The following GTF2I variants were observed in gnomAD, a reference collection of about 807,000 sequenced individuals.
The protein encoded by GTF2I is general transcription factor II-I.
Under a neutral mutation model 67.6 loss-of-function variants are expected in GTF2I, and 12 were observed. That is an observed-to-expected ratio of 0.18 (90% CI 0.11 to 0.29). GTF2I has a LOEUF of 0.29. Ranked by LOEUF, GTF2I falls within the 10% of genes least tolerant of loss-of-function variation. GTF2I has a pLI of 1.00. For missense variants in GTF2I, 271 were observed against 580.1 expected, an observed-to-expected ratio of 0.47 and a Z score of 5.47; for synonymous variants, 149 against 197.0, an observed-to-expected ratio of 0.76 and a Z score of 2.04.
At chr7:74,726,813 G>A (rs753038374) in intron 12 of GTF2I, 3 of 151,428 alleles carry the variant, frequency 2.0e-5, no homozygotes, top group Non-Finnish European at 4.4e-5. Context: ...CAGCCTGGGC[G>A]ATAGAATGAG....
intron 1 of GTF2I, among the ~76,000 whole-genome samples, chr7:74,658,545 G>T (rs1804149677): frequency 6.7e-6 from 1 of 150,170 alleles, no homozygotes; most frequent in African/African-American, 2.4e-5. Context: ...GAGCCGTCGT[G>T]GGGTCGCGCT....
chr7:74,666,697 G>A (rs1230542801), intron 1 of GTF2I, among the ~76,000 whole-genome samples: 3 of 151,864 alleles, frequency 2.0e-5, no homozygotes, highest in South Asian at 2.1e-4. Context: ...GCCGGGCACG[G>A]TGGCTCACAC....
chr7:74,678,031 T>C (rs2131244547), intron 1 of GTF2I, among the ~76,000 whole-genome samples: 1 of 152,004 alleles, frequency 6.6e-6, no homozygotes, highest in Non-Finnish European at 1.5e-5. Context: ...ATTTCTCTGG[T>C]AAAAGTATTA....
chr7:74,699,041 G>A lies in GTF2I; in HGVS notation c.319G>A (p.Val107Ile). ...GGCAAATCGGATGAGTGTAGATGCT[G>A]TAGAAATTGAAACACTCAGAAAAAC... ...TQANRMSVDA[V>I]EIETLRKTVE... is the part of the protein sequence containing the mutation. The change falls in exon 4 of 35, where the codon GTA (valine) becomes ATA (isoleucine). Residue 107 changes from valine to isoleucine, a missense_variant. Val to Ile is a conservative substitution (Grantham distance 29). Transcript: ENST00000573035. The A allele has an allele frequency of 6.4e-7, 1 of 1,555,948 alleles. No homozygotes were observed.
At position 74,658,046 on chromosome 7, in the gene GTF2I, T is replaced by C; in HGVS notation, c.-28T>C. The C allele has an allele frequency of 6.6e-6, 1 of 151,420 alleles. No individual in the cohort carries two copies. Among genetic ancestry groups the C allele is most frequent in the Non-Finnish European group, 1.5e-5 (1 of 67,758 alleles). The allele number at this position is 151,420 out of a possible 1,614,324, so 9.4% of individuals were successfully genotyped here. ...CCCTCGGCACCCCCGGCCCCGGAGCTGCCTGGAGGCGGCCGCACTCGGGTG... is the reference window on the plus strand; with the variant it reads ...CCCTCGGCACCCCCGGCCCCGGAGCCGCCTGGAGGCGGCCGCACTCGGGTG... On this transcript the variant is annotated 5_prime_UTR_variant, in exon 1 of 35. Transcript: ENST00000573035.
intron 3 of GTF2I, among the ~76,000 whole-genome samples, chr7:74,696,023 G>A (rs1360265851): frequency 4.7e-5 from 7 of 148,332 alleles, no homozygotes; most frequent in African/African-American, 1.0e-4. Context: ...AAGGAGTCTC[G>A]CCCTGTCACC....
Position 74,705,180 on chromosome 7 carries a change from A to T in GTF2I, c.603A>T (p.Val201=). 1 of 1,605,882 alleles carries T rather than the reference A, an allele frequency of 6.2e-7. No individual in the cohort carries two copies. The highest frequency in any genetic ancestry group is 8.5e-7 in the Non-Finnish European group (1 of 1,173,406). Residue 201 remains valine, a synonymous_variant, in exon 7 of 35, where the codon GTA becomes GTT. Coordinates refer to ENST00000573035, the MANE Select transcript of GTF2I (RefSeq NM_032999.4). ...TGTATGTAGGTGGTCGTGTGATGGT[A>T]ACAGATGCTGACAGGTCAATACTAT... is the stretch of plus-strand genomic sequence containing the variant. ...PKKHVGGRVM[V]TDADRSILSP...
intron 1 of GTF2I, among the ~76,000 whole-genome samples, chr7:74,681,093 C>T (rs895756048): frequency 2.0e-5 from 3 of 151,996 alleles, no homozygotes; most frequent in Non-Finnish European, 2.9e-5. Context: ...ATCAGGGAAA[C>T]GAAAGGTGAA....
intron 1 of GTF2I, among the ~76,000 whole-genome samples, chr7:74,676,143 G>A (rs868991037): frequency 6.6e-6 from 1 of 152,168 alleles, no homozygotes; most frequent in South Asian, 2.1e-4. Context: ...TGTCTTTTAA[G>A]TTATCAGCTG....
chr7:74,706,198 G>A (rs782118131), intron 7 of GTF2I, among the ~76,000 whole-genome samples, 192 bp from the exon 8 acceptor site: 1 of 152,234 alleles, frequency 6.6e-6, no homozygotes, highest in Non-Finnish European at 1.5e-5. Flanking sequence ...GATTACAGGC[G>A]TGAGCCACTG....
At chr7:74,719,083 G>C (rs1045235746) in intron 12 of GTF2I, 142 bp downstream of exon 12, 24 of 514,578 alleles carry the variant, frequency 4.7e-5, no homozygotes, top group Admixed American at 7.9e-5. Flanking sequence ...GGCCAAAGCA[G>C]CCCACTCCCC....
intron 3 of GTF2I, among the ~76,000 whole-genome samples, chr7:74,692,625 C>G (rs1217389987): frequency 6.6e-6 from 1 of 152,122 alleles, no homozygotes; most frequent in Non-Finnish European, 1.5e-5. Context: ...ATTTTCATAT[C>G]TGTGTTTAAC....
At chr7:74,671,478 T>C (rs1554390661) in intron 1 of GTF2I, among the ~76,000 whole-genome samples, 1 of 151,974 alleles carries the variant, frequency 6.6e-6, no homozygotes, top group African/African-American at 2.4e-5. Context: ...GTGTCTTGTT[T>C]TTTTTTTTTC....
intron 1 of GTF2I, among the ~76,000 whole-genome samples, chr7:74,684,216 G>A (rs1166815659): frequency 6.6e-6 from 1 of 152,170 alleles, no homozygotes; most frequent in Non-Finnish European, 1.5e-5. Flanking sequence ...GGCCAATAAA[G>A]CATGACATAT....
At chr7:74,683,577 G>C (rs1263187598) in intron 1 of GTF2I, among the ~76,000 whole-genome samples, 4 of 152,208 alleles carry the variant, frequency 2.6e-5, no homozygotes, top group Non-Finnish European at 5.9e-5. Context: ...ATTAGGCCGG[G>C]TGCGGTGGCT....
At chr7:74,723,179 A>G (rs1006267956) in intron 12 of GTF2I, among the ~76,000 whole-genome samples, 17 of 143,330 alleles carry the variant, frequency 1.2e-4, no homozygotes, top group African/African-American at 4.4e-4. Context: ...GCTGGAGTGC[A>G]GTGGCGCAAT....
chr7:74,668,080 C>T (rs1322464521), intron 1 of GTF2I, among the ~76,000 whole-genome samples: 2 of 152,028 alleles, frequency 1.3e-5, no homozygotes, highest in East Asian at 3.9e-4. Context: ...GATCCACTTG[C>T]CTCGGCCTCC....
chr7:74,708,229 G>A (rs1176527641), intron 8 of GTF2I, among the ~76,000 whole-genome samples: 1 of 152,190 alleles, frequency 6.6e-6, no homozygotes, highest in African/African-American at 2.4e-5. Flanking sequence ...TTTGAACTCA[G>A]GAGGTAGAGG....
chr7:74,750,593 C>CTTTTTTT (rs782022584), intron 26 of GTF2I, among the ~76,000 whole-genome samples: 1 of 68,996 alleles, frequency 1.4e-5, no homozygotes, highest in Non-Finnish European at 2.4e-5. Context: ...AAGCTGGCCA[C>CTTTTTTT]TTTTTTTTTT....
Sources: allele counts gnomAD v4.1 joint callset (sites outside exome capture counted in the v4.1 genomes callset), GRCh38; gene constraint gnomAD v4.1.1; transcripts MANE v1.5; gene names NCBI Gene and HGNC (gene_info 2026-07-23, HGNC 2026-07-21).